PSMC2: variants seen among roughly 807,000 people sequenced by gnomAD.
PSMC2 encodes the protein proteasome 26S subunit, ATPase 2, also known as 26S proteasome regulatory subunit 7.
In PSMC2, 7 loss-of-function variants were observed where a neutral mutation model predicts 53.3. The observed-to-expected ratio is 0.13, with a 90% CI of 0.07 to 0.25. The LOEUF (loss-of-function observed/expected upper bound fraction) is 0.25, where lower values mean the gene tolerates loss of function less well. Among genes scored for constraint, PSMC2 ranks in the 10% least tolerant of loss-of-function variants. The pLI is 1.00. For missense variants in PSMC2, 241 were observed against 544.0 expected (o/e 0.44, Z 5.54); for synonymous variants, 169 against 183.9 (o/e 0.92, Z 0.66).
At chr7:103,363,480 G>A in intron 7 of PSMC2, 41 bp downstream of exon 7, 1 of 1,538,778 alleles carries the variant, frequency 6.5e-7, no homozygotes, top group Non-Finnish European at 9.0e-7. Context: ...TTTGTATAAA[G>A]ATGTCTTTTG....
intron 4 of PSMC2, among the ~76,000 whole-genome samples, chr7:103,359,984 C>T (rs1199806316): frequency 6.6e-6 from 1 of 151,444 alleles, no homozygotes; most frequent in African/African-American, 2.4e-5. Context: ...AGGAGGCTGA[C>T]GCAGGAGAAT....
chr7:103,359,087 C>G (rs1225575691), intron 4 of PSMC2, among the ~76,000 whole-genome samples: 1 of 148,698 alleles, frequency 6.7e-6, no homozygotes, highest in Non-Finnish European at 1.5e-5. Flanking sequence ...GGGCTCCCAC[C>G]TCAGCCTCCC....
chr7:103,349,144 C>T (rs1819672413), intron 1 of PSMC2, among the ~76,000 whole-genome samples: 1 of 152,104 alleles, frequency 6.6e-6, no homozygotes, highest in Non-Finnish European at 1.5e-5. Context: ...TTACTTTTCC[C>T]TTTCTTAACA....
At chr7:103,355,318 A>G (rs886859257) in intron 3 of PSMC2, among the ~76,000 whole-genome samples, 1 of 152,188 alleles carries the variant, frequency 6.6e-6, no homozygotes, top group Non-Finnish European at 1.5e-5. Flanking sequence ...TTTGGGGGGA[A>G]CTTGAATGAT....
chr7:103,348,814 GA>G, intron 1 of PSMC2: 1 of 727,834 alleles, frequency 1.4e-6, no homozygotes, highest in Non-Finnish European at 2.5e-6. Context: ...CTACCCAATG[GA>G]AAACCATGAT....
intron 1 of PSMC2, chr7:103,348,611 A>G (rs1819658047): frequency 4.5e-6 from 5 of 1,123,392 alleles, no homozygotes; most frequent in Non-Finnish European, 6.8e-6. Flanking sequence ...ATGGGTCACC[A>G]GAAGCTATGC....
At chr7:103,352,690 G>A (rs1444871502) in intron 1 of PSMC2, 12 of 599,754 alleles carry the variant, frequency 2.0e-5, no homozygotes, top group African/African-American at 5.6e-5. Context: ...CACAGCATCC[G>A]GCTGATTATA....
Position 103,353,935 on chromosome 7 carries a change from G to C in PSMC2, c.85G>C (p.Asp29His). The C allele has an allele frequency of 1.2e-6, 2 of 1,603,152 alleles. No individual in the cohort carries two copies. Among genetic ancestry groups the C allele is most frequent in the Non-Finnish European group, 1.7e-6 (2 of 1,173,284 alleles). Reference sequence around the variant, plus strand: ...TCTTCTTTCAGCTCTGGATGAGGGGGATATTGCCTTGTTGAAAACTTATGT... The same window carrying C: ...TCTTCTTTCAGCTCTGGATGAGGGGCATATTGCCTTGTTGAAAACTTATGT... ...DKPIRALDEG[D>H]IALLKTYGQS... Residue 29 changes from aspartate to histidine, a missense_variant, in exon 2 of 12, where the codon GAT (aspartate) becomes CAT (histidine). By Grantham distance (81) the Asp-to-His change is moderately conservative. Around this residue, in one of 6 missense-constraint regions of PSMC2, gnomAD observed 70 missense variants for 57.9 expected, o/e 1.21. Transcript: ENST00000292644.
rs542641879 is a variant in PSMC2, at chr7:103,363,275, T to G, written c.496-69T>G. ...TTTTTCTTTTAAGGTATTAGGTCTA[T>G]TCTATTGAATTTGGACAGTATCCAA... On this transcript the variant is annotated intron_variant, in intron 6 of 11. Transcript: ENST00000292644. 1.3e-4 allele frequency: 163 copies of G among 1,257,432 alleles called. 1 individual carries two copies. In the African/African-American group the frequency reaches 2.2e-3, roughly 17 times the overall value. The allele number at this position is 1,257,432 out of a possible 1,614,324, so 77.9% of individuals were successfully genotyped here. A position where few individuals can be genotyped will look rare whatever the true frequency, so the allele number is the denominator to read the frequency against.
intron 4 of PSMC2, among the ~76,000 whole-genome samples, chr7:103,356,996 C>A (rs1304464098): frequency 6.6e-6 from 1 of 152,040 alleles, no homozygotes; most frequent in East Asian, 1.9e-4. Flanking sequence ...TTTATTTATT[C>A]ACTCACTTTT....
chr7:103,358,861 CTACAAGA>C (rs1312780345), intron 4 of PSMC2, among the ~76,000 whole-genome samples: 1 of 152,114 alleles, frequency 6.6e-6, no homozygotes, highest in Non-Finnish European at 1.5e-5. Flanking sequence ...CCCTATACCC[CTACAAGA>C]TCCCAGGCCT....
intron 2 of PSMC2, 28 bp downstream of exon 2, chr7:103,353,986 T>G (rs368468336): frequency 6.6e-7 from 1 of 1,516,050 alleles, no homozygotes; most frequent in Non-Finnish European, 9.0e-7. Flanking sequence ...CTACAAACTA[T>G]AGATGTTTTA....
In PSMC2 at chr7:103,368,129, A is replaced by T. The variant is rs572390540; in HGVS notation, c.*75A>T. On this transcript the variant is annotated 3_prime_UTR_variant, in exon 12 of 12. Transcript: ENST00000292644. ...ATAGACTTGTTAATAACCAATTCAT[A>T]AACAAATAAATGGCTTCAAAATTGT... is the stretch of plus-strand genomic sequence containing the variant. The T allele has an allele frequency of 1.0e-3, 1,347 of 1,306,280 alleles. 2 individuals are homozygous for T. The highest frequency in any genetic ancestry group is 1.3e-3 in the Non-Finnish European group (1,234 of 962,116). 80.9% of individuals were successfully genotyped at this position (1,306,280 alleles called of 1,614,324 possible).
chr7:103,351,676 C>G (rs904922187), intron 1 of PSMC2, among the ~76,000 whole-genome samples: 2 of 152,126 alleles, frequency 1.3e-5, no homozygotes, highest in African/African-American at 4.8e-5. Flanking sequence ...TATAAGCAGG[C>G]CTTTCAAAGG....
Position 103,367,877 on chromosome 7 carries a change from A to ATTTTC in PSMC2, c.1145-15_1145-11dup. On this transcript the variant is annotated intron_variant, in intron 11 of 11. Coordinates refer to ENST00000292644, the MANE Select transcript of PSMC2 (RefSeq NM_002803.4). The surrounding 1 kb of genome is among the most constrained non-coding windows in gnomAD (Gnocchi z 6.1). ...CAGGCTGCTTTAATTAAGCCCGTTT[A>ATTTTC]TTTTCTTTTTGTTTGAAAGGTGCTG... 6.2e-7 allele frequency: 1 copy of ATTTTC among 1,611,414 alleles called. No individual in the cohort carries two copies. The highest frequency in any genetic ancestry group is 1.3e-5 in the African/African-American group (1 of 74,696).
chr7:103,367,556 G>A lies in PSMC2; in HGVS notation c.988G>A (p.Ala330Thr). ...TAACAGACCTGATACTTTGGATCCA[G>A]CACTGATGAGGCCAGGGAGATTGGA... Reference protein sequence around the residue: ...ATNRPDTLDPALMRPGRLDRK... With the variant: ...ATNRPDTLDPTLMRPGRLDRK... The change falls in exon 10 of 12, where the codon GCA becomes ACA. Residue 330 changes from alanine (A) to threonine (T), a missense_variant. Ala to Thr is a moderately conservative substitution (Grantham distance 58). Coordinates refer to ENST00000292644, the MANE Select transcript of PSMC2 (RefSeq NM_002803.4). The surrounding 1 kb of genome is among the most constrained non-coding windows in gnomAD (Gnocchi z 6.1). The A allele has an allele frequency of 6.2e-7, 1 of 1,614,148 alleles. No individual in the cohort carries two copies. Among genetic ancestry groups the A allele is most frequent in the Non-Finnish European group, 8.5e-7 (1 of 1,180,030 alleles).
chr7:103,362,420 A>G, intron 5 of PSMC2: 1 of 1,352,336 alleles, frequency 7.4e-7, no homozygotes, highest in Non-Finnish European at 9.5e-7. Context: ...TGTCTATAGA[A>G]TACATAACAA....
At position 103,363,455 on chromosome 7, in the gene PSMC2, T is replaced by C; in HGVS notation, c.591+16T>C. On this transcript the variant is annotated intron_variant, in intron 7 of 11. Transcript: ENST00000292644. ...ATTACTTCATGTAAGTAGCTGAGTG[T>C]TGTATTTAAATTTCTTTGTATAAAG... 1 of 1,589,546 alleles carries C rather than the reference T, an allele frequency of 6.3e-7. No homozygotes were observed. The highest frequency in any genetic ancestry group is 8.6e-7 in the Non-Finnish European group (1 of 1,157,620).
chr7:103,348,902 C>CA (rs996835534), intron 1 of PSMC2: 15 of 467,378 alleles, frequency 3.2e-5, no homozygotes, highest in Non-Finnish European at 5.6e-5. Flanking sequence ...TGCACAAGTA[C>CA]AAATTGTAGG....
Sources: allele counts gnomAD v4.1 joint callset (sites outside exome capture counted in the v4.1 genomes callset), GRCh38; gene constraint gnomAD v4.1.1; regional missense constraint gnomAD v4.1.1; non-coding constraint Gnocchi (gnomAD v3.1); transcripts MANE v1.5; gene names NCBI Gene and HGNC (gene_info 2026-07-23, HGNC 2026-07-21).